The following TRAPPC11 variants were observed in gnomAD, a reference collection of about 807,000 sequenced individuals.
TRAPPC11 encodes foie gras homolog.
In TRAPPC11, 104 loss-of-function variants were observed where a neutral mutation model predicts 151.2. That is an observed-to-expected ratio of 0.69 (90% CI 0.59 to 0.81). TRAPPC11 has a LOEUF of 0.81. Among genes scored for constraint, TRAPPC11 ranks in the 30% least tolerant of loss-of-function variants. The pLI is 0.00. For synonymous variants in TRAPPC11, 456 were observed against 472.3 expected (o/e 0.97, Z 0.45); for missense variants, 1,230 against 1,349.6 (o/e 0.91, Z 1.39).
At chr4:183,689,782 T>G (rs1736163148) in intron 18 of TRAPPC11, among the ~76,000 whole-genome samples, 1 of 76,548 alleles carries the variant, frequency 1.3e-5, no homozygotes, top group South Asian at 5.3e-4. Flanking sequence ...ATTTCATTTC[T>G]TTTCTTTCCT....
rs769455087 is a variant in TRAPPC11 at position 183,684,106 on chromosome 4, T to C, written c.1288-39T>C. ...TTTTTTACACTATTTAAGAAAAATA[T>C]TTGTATTGAAATGTTTCACACTCTA... On this transcript the variant is annotated intron_variant, in intron 12 of 29. Coordinates refer to ENST00000334690, the MANE Select transcript of TRAPPC11 (RefSeq NM_021942.6). The C allele has an allele frequency of 9.3e-6, 15 of 1,605,534 alleles. 1 individual carries two copies. The Middle Eastern group carries it at 1.2e-3, about 124-fold the overall frequency.
chr4:183,694,777 G>A lies in TRAPPC11; in HGVS notation c.2628+54G>A, dbSNP rs1011979454. 36 of 1,563,036 alleles carry A rather than the reference G, an allele frequency of 2.3e-5. No individual in the cohort carries two copies. The African/African-American group carries it at 4.6e-4, about 20-fold the overall frequency. The stretch of plus-strand genomic sequence containing the variant: ...ATCATATGTGGAGTATTCCCATTTT[G>A]TGTTATTTTAGTTTACCTATAAAAT... On this transcript the variant is annotated intron_variant, in intron 23 of 29. Transcript: ENST00000334690.
At chr4:183,698,951 C>T (rs1370069989) in intron 25 of TRAPPC11, among the ~76,000 whole-genome samples, 4 of 152,220 alleles carry the variant, frequency 2.6e-5, no homozygotes, top group Admixed American at 6.5e-5. Flanking sequence ...TCATCTCCAT[C>T]CTCAGTGCCA....
At position 183,664,055 on chromosome 4, in the gene TRAPPC11, C is replaced by G. The variant is rs1289046059; in HGVS notation, c.188C>G (p.Pro63Arg). The part of the protein sequence containing the change: ...FKVLPGDHEY[P>R]KCRPKRTSYE... ...GTGCTCCCAGGTGACCATGAGTATC[C>G]CAAATGTAGACCCAAGGTAATGGCA... The change falls in exon 2 of 30, where the codon CCC (proline) becomes CGC (arginine). Residue 63 changes from proline (P) to arginine (R), a missense_variant. Pro to Arg is a moderately radical substitution (Grantham distance 103, BLOSUM62 -2). Transcript: ENST00000334690. The G allele has an allele frequency of 6.2e-7, 1 of 1,612,880 alleles. No homozygotes were observed. Among genetic ancestry groups the G allele is most frequent in the East Asian group, 2.2e-5 (1 of 44,860 alleles).
At chr4:183,678,139 A>G (rs1561038140) in intron 8 of TRAPPC11, among the ~76,000 whole-genome samples, 1 of 151,990 alleles carries the variant, frequency 6.6e-6, no homozygotes, top group Non-Finnish European at 1.5e-5. Context: ...TGGCTTCACC[A>G]TGTTGGCCAG....
At chr4:183,703,580 A>G (rs1736904311) in intron 26 of TRAPPC11, among the ~76,000 whole-genome samples, 1 of 152,224 alleles carries the variant, frequency 6.6e-6, no homozygotes, top group South Asian at 2.1e-4. Context: ...GTGTATAAGA[A>G]TGTTCATGGG....
chr4:183,682,818 A>AAT lies in TRAPPC11; in HGVS notation c.1202_1203dup (p.Leu402TyrfsTer2), dbSNP rs1735766728. 6.2e-7 allele frequency: 1 copy of AAT among 1,609,202 alleles called. No homozygotes were observed. The highest frequency in any genetic ancestry group is 1.7e-5 in the Admixed American group (1 of 59,952). ...ATGGACAAAGATCATGGCGACAAGG[A>AAT]ATACTAAGTAAATAATTTTTCCCTC... On this transcript the variant is annotated frameshift_variant, in exon 11 of 30. Transcript: ENST00000334690. LOFTEE classifies it high-confidence loss of function.
intron 1 of TRAPPC11, 115 bp from the exon 2 acceptor site, chr4:183,663,732 A>AGTT: frequency 1.7e-6 from 1 of 585,086 alleles, no homozygotes; most frequent in Non-Finnish European, 2.9e-6. Flanking sequence ...AATGAATATG[A>AGTT]GTTGTTTTTT....
At position 183,680,264 on chromosome 4, in the gene TRAPPC11, C is replaced by T. The variant is rs144785855; in HGVS notation, c.1110C>T (p.His370=). ...AGCTTGCAAAAACCCTCTGTAACCA[C>T]GAAGTAAGTTACTCACTCCGTATTA... ...RKQLAKTLCN[H]EASVMYPNPD... The change falls in exon 10 of 30, where the codon CAC becomes CAT. Residue 370 remains histidine, a synonymous_variant. Transcript: ENST00000334690. 11 of 1,613,582 alleles carry T rather than the reference C, an allele frequency of 6.8e-6. No homozygotes were observed. Among genetic ancestry groups the T allele is most frequent in the Admixed American group, 6.7e-5 (4 of 59,918 alleles).
chr4:183,707,376 C>A (rs148254782), intron 28 of TRAPPC11, among the ~76,000 whole-genome samples: 1 of 151,892 alleles, frequency 6.6e-6, no homozygotes, highest in East Asian at 1.9e-4. Flanking sequence ...ATATACTTAA[C>A]CTTTCGTGTG....
At chr4:183,694,325 C>T (rs1473184948) in intron 22 of TRAPPC11, among the ~76,000 whole-genome samples, 5 of 152,120 alleles carry the variant, frequency 3.3e-5, no homozygotes, top group Non-Finnish European at 5.9e-5. Context: ...ACTTCTGCTT[C>T]CAAACTAGAT....
At chr4:183,684,884 T>C (rs770177333) in intron 15 of TRAPPC11, 43 bp downstream of exon 15, 8 of 1,565,868 alleles carry the variant, frequency 5.1e-6, no homozygotes, top group Non-Finnish European at 7.0e-6. Context: ...TACATAAAAT[T>C]ATTTAGCATC....
chr4:183,685,049 T>C, intron 15 of TRAPPC11, 35 bp from the exon 16 acceptor site: 1 of 1,592,348 alleles, frequency 6.3e-7, no homozygotes, highest in South Asian at 1.1e-5. Flanking sequence ...TAATTATAAG[T>C]ACTTAAAATG....
intron 18 of TRAPPC11, among the ~76,000 whole-genome samples, chr4:183,689,879 A>G (rs1240241600): frequency 6.6e-6 from 1 of 152,078 alleles, no homozygotes. Flanking sequence ...TTTAAAATTT[A>G]GATTATATTC....
Position 183,677,464 on chromosome 4 carries a change from T to C in TRAPPC11, c.741T>C (p.Tyr247=), listed in dbSNP as rs773853926. 6.3e-7 allele frequency: 1 copy of C among 1,593,616 alleles called. No homozygotes were observed. Among genetic ancestry groups the C allele is most frequent in the Non-Finnish European group, 8.6e-7 (1 of 1,163,984 alleles). The part of the protein sequence containing the change: ...KQDTQNALKN[Y]RTAYNLVHEL... ...AACCACCCTCCTCATTTAGGAATTA[T>C]AGGACCGCCTATAATCTTGTACACG... The change falls in exon 8 of 30, where the codon TAT becomes TAC. Residue 247 remains tyrosine (Y), a synonymous_variant. Transcript: ENST00000334690.
At chr4:183,682,959 T>G (rs777323399) in intron 11 of TRAPPC11, 134 bp downstream of exon 11, 11 of 659,746 alleles carry the variant, frequency 1.7e-5, no homozygotes, top group Admixed American at 8.2e-5. Context: ...ACATTGTTTT[T>G]GTTTTTAGAA....
At chr4:183,662,792 A>G (rs556708886) in intron 1 of TRAPPC11, among the ~76,000 whole-genome samples, 2 of 152,210 alleles carry the variant, frequency 1.3e-5, no homozygotes, top group East Asian at 3.9e-4. Context: ...TAGTTGAAAT[A>G]GATCATGTAG....
chr4:183,680,559 A>G (rs1735625210), intron 10 of TRAPPC11, among the ~76,000 whole-genome samples: 1 of 152,056 alleles, frequency 6.6e-6, no homozygotes, highest in South Asian at 2.1e-4. Context: ...TTGTCACACT[A>G]TAAATCCATT....
At chr4:183,692,931 A>G (rs750676576) in intron 19 of TRAPPC11, 29 bp from the exon 20 acceptor site, 3 of 1,580,916 alleles carry the variant, frequency 1.9e-6, no homozygotes, top group Admixed American at 3.5e-5. Context: ...ATGAGATGAC[A>G]TTTCCAACAT....
Sources: allele counts gnomAD v4.1 joint callset (sites outside exome capture counted in the v4.1 genomes callset), GRCh38; gene constraint gnomAD v4.1.1; transcripts MANE v1.5; gene names NCBI Gene and HGNC (gene_info 2026-07-23, HGNC 2026-07-21).